Variants in SEC23IP observed in about 807,000 individuals in gnomAD.
SEC23IP encodes SEC23 interacting protein.
SEC23IP carries 70 observed loss-of-function variants against 113.4 expected under a neutral mutation model. That is an observed-to-expected ratio of 0.62 (90% CI 0.51 to 0.75). The LOEUF (loss-of-function observed/expected upper bound fraction) is 0.75. Among genes scored for constraint, SEC23IP ranks in the 30% least tolerant of loss-of-function variants. SEC23IP has a pLI of 0.00. For missense variants in SEC23IP, 1,160 were observed against 1,204.9 expected (o/e 0.96, Z 0.55); for synonymous variants, 398 against 421.0 (o/e 0.95, Z 0.67).
rs1189590952 is a variant in SEC23IP at position 119,904,225 on chromosome 10, A to G, written c.1049A>G (p.Asp350Gly). ...CGCTGTACTTGGTTTTACAAGGGGG[A>G]CACAGATAGTCGATTTATTCCCTAT... The part of the protein sequence containing the change: ...VRRCTWFYKG[D>G]TDSRFIPYTE... Residue 350 changes from aspartate to glycine, a missense_variant, in exon 4 of 19, where the codon GAC (aspartate) becomes GGC (glycine). Transcript: ENST00000369075. 1.2e-6 allele frequency: 2 copies of G among 1,614,070 alleles called. No homozygotes were observed. The highest frequency in any genetic ancestry group is 4.5e-5 in the East Asian group (2 of 44,898).
intron 12 of SEC23IP, among the ~76,000 whole-genome samples, chr10:119,923,554 T>C (rs1216929083): frequency 2.1e-5 from 3 of 142,564 alleles, no homozygotes; most frequent in East Asian, 2.0e-4. Flanking sequence ...GTTGGTTCCG[T>C]TTTTTTTTTT....
At chr10:119,910,394 G>A (rs1304197568) in intron 5 of SEC23IP, among the ~76,000 whole-genome samples, 2 of 152,078 alleles carry the variant, frequency 1.3e-5, no homozygotes, top group Admixed American at 6.6e-5. Flanking sequence ...ATCTCCCAGG[G>A]TCATATTTTA....
Position 119,921,005 on chromosome 10 carries a change from A to C in SEC23IP, c.2121+21A>C. 4 of 1,530,190 alleles carry C rather than the reference A, an allele frequency of 2.6e-6. No individual in the cohort carries two copies. In the South Asian group the frequency reaches 4.5e-5, roughly 17 times the overall value. The allele number at this position is 1,530,190 out of a possible 1,614,324, so 94.8% of individuals were successfully genotyped here. ...AACTGGTAAAGTTCACCTCTGACTC[A>C]AGAAAAACTAAAACTCATGGTGTGA... On this transcript the variant is annotated intron_variant, in intron 12 of 18. Transcript: ENST00000369075.
rs748068433 is a variant in SEC23IP, at chr10:119,892,935, C to T, written c.153C>T (p.Leu51=). 2.6e-5 allele frequency: 42 copies of T among 1,612,488 alleles called. No homozygotes were observed. The highest frequency in any genetic ancestry group is 2.9e-5 in the Non-Finnish European group (34 of 1,179,286). Residue 51 remains leucine (L), a synonymous_variant, in exon 1 of 19, where the codon CTC becomes CTT. Transcript: ENST00000369075. ...CCTCCGCTTCTCCGGCCTCCCTGCT[C>T]TTACCGGGAGGTAATAAGGGGAGGG... ...TQASASPASL[L]LPGEDSTDVG... is the part of the protein sequence containing the mutation.
At chr10:119,902,579 A>G (rs1298895399) in intron 2 of SEC23IP, among the ~76,000 whole-genome samples, 1 of 152,038 alleles carries the variant, frequency 6.6e-6, no homozygotes, top group African/African-American at 2.4e-5. Context: ...CATCAGGATA[A>G]ATGGGGTATA....
At chr10:119,900,627 CTG>C (rs1281180442) in intron 2 of SEC23IP, among the ~76,000 whole-genome samples, 2 of 152,040 alleles carry the variant, frequency 1.3e-5, no homozygotes, top group African/African-American at 4.8e-5. Flanking sequence ...GGGTCTCACT[CTG>C]TTGTCCAGGT....
intron 2 of SEC23IP, among the ~76,000 whole-genome samples, chr10:119,900,928 A>G (rs1208416503): frequency 2.0e-5 from 3 of 149,550 alleles, no homozygotes; most frequent in African/African-American, 4.9e-5. Context: ...TATAATACCT[A>G]TGGTTTCTAT....
chr10:119,914,835 A>G lies in SEC23IP; in HGVS notation c.1402+16A>G, dbSNP rs199761436. 8.1e-5 allele frequency: 129 copies of G among 1,601,698 alleles called. No homozygotes were observed. In the East Asian group the frequency reaches 1.3e-3, roughly 16 times the overall value. On this transcript the variant is annotated intron_variant, in intron 7 of 18. Coordinates refer to ENST00000369075, the MANE Select transcript of SEC23IP (RefSeq NM_007190.4). ...ATTGAGTGTGGTAAGTGTTGGGTAT[A>G]TTGTATTTCATGGGATGATCTGAGA...
At chr10:119,929,914 G>A (rs1855540491) in intron 14 of SEC23IP, 152 bp downstream of exon 14, 6 of 573,318 alleles carry the variant, frequency 1.0e-5, no homozygotes, top group East Asian at 2.9e-5. Flanking sequence ...CTCCCAAATC[G>A]CTAGGATTAT....
At chr10:119,911,331 G>T (rs1295069585) in intron 5 of SEC23IP, among the ~76,000 whole-genome samples, 1 of 149,484 alleles carries the variant, frequency 6.7e-6, no homozygotes, top group African/African-American at 2.5e-5. Flanking sequence ...TAACTTTGTT[G>T]CCCAGGCTGC....
At position 119,914,138 on chromosome 10, in the gene SEC23IP, C is replaced by T. The variant is rs181380431; in HGVS notation, c.1313-592C>T. 2.0e-3 allele frequency among the ~76,000 whole-genome samples: 307 copies of T among 152,218 alleles called. 1 individual carries two copies. The highest frequency in any genetic ancestry group is 3.8e-3 in the Non-Finnish European group (256 of 68,020). On this transcript the variant is annotated intron_variant, in intron 6 of 18. Transcript: ENST00000369075. ...TGGCGCCATTGCACTCTATCCCGGG[C>T]GACAAGAGTGAAACTCCATCTCCAA...
At chr10:119,913,429 G>A (rs2134483351) in intron 6 of SEC23IP, among the ~76,000 whole-genome samples, 1 of 152,178 alleles carries the variant, frequency 6.6e-6, no homozygotes, top group Middle Eastern at 3.4e-3. Context: ...ACTCAGCTTT[G>A]CTATTGTTGT....
At chr10:119,919,328 C>A in intron 10 of SEC23IP, 116 bp from the exon 11 acceptor site, 1 of 949,566 alleles carries the variant, frequency 1.1e-6, no homozygotes, top group Non-Finnish European at 1.6e-6. Context: ...AAGTACTGTG[C>A]CTAAAATTAT....
At chr10:119,897,759 A>G (rs1854324824) in intron 1 of SEC23IP, among the ~76,000 whole-genome samples, 1 of 152,166 alleles carries the variant, frequency 6.6e-6, no homozygotes, top group South Asian at 2.1e-4. Flanking sequence ...GCACTTTGGG[A>G]GGCCAAGGCA....
chr10:119,924,968 T>G (rs61867992), intron 12 of SEC23IP, among the ~76,000 whole-genome samples: 8,363 of 151,904 alleles, frequency 0.055, 420 homozygotes, highest in South Asian at 0.27. Context: ...TTAGAGATGG[T>G]GTCTTGCCAT....
At chr10:119,898,021 A>C (rs559539893) in intron 1 of SEC23IP, among the ~76,000 whole-genome samples, 1 of 151,578 alleles carries the variant, frequency 6.6e-6, no homozygotes, top group Non-Finnish European at 1.5e-5. Flanking sequence ...AAATAAAAAA[A>C]AAAAAATAAA....
intron 18 of SEC23IP, among the ~76,000 whole-genome samples, chr10:119,937,143 G>A (rs1855818155): frequency 6.6e-6 from 1 of 151,652 alleles, no homozygotes; most frequent in African/African-American, 2.4e-5. Context: ...CCAAAGTGCT[G>A]GGATTACAGG....
At chr10:119,893,376 C>T (rs901614874) in intron 1 of SEC23IP, among the ~76,000 whole-genome samples, 2 of 152,000 alleles carry the variant, frequency 1.3e-5, no homozygotes, top group Non-Finnish European at 2.9e-5. Context: ...ATACGGTACA[C>T]TGTCTCCTAC....
chr10:119,894,081 T>C (rs957419603), intron 1 of SEC23IP, among the ~76,000 whole-genome samples: 2 of 152,222 alleles, frequency 1.3e-5, no homozygotes, highest in Non-Finnish European at 2.9e-5. Flanking sequence ...TTTCTATGTA[T>C]GTGTAGCCTC....
Sources: gnomAD v4.1 joint callset for allele counts (sites outside exome capture counted in the v4.1 genomes callset) on GRCh38, gnomAD v4.1.1 for gene constraint, MANE v1.5 for transcripts, NCBI Gene and HGNC (gene_info 2026-07-23, HGNC 2026-07-21) for gene names.